LRP1B: variants seen among roughly 807,000 people sequenced by gnomAD.
LRP1B encodes low-density lipoprotein receptor-related protein 1B.
Under a neutral mutation model 556.6 loss-of-function variants are expected in LRP1B, and 217 were observed. The observed-to-expected ratio is 0.39, with a 90% confidence interval of 0.35 to 0.44. The LOEUF (loss-of-function observed/expected upper bound fraction) is 0.44. Ranked by LOEUF, LRP1B falls within the 20% of genes least tolerant of loss-of-function variation. The pLI is 1.00. For missense variants in LRP1B, 5,053 were observed against 5,620.8 expected (o/e 0.90, Z 3.23); for synonymous variants, 2,047 against 1,865.8 (o/e 1.10, Z -2.50).
intron 2 of LRP1B, among the ~76,000 whole-genome samples, chr2:141,710,191 T>C (rs1431782472): frequency 6.6e-6 from 1 of 152,104 alleles, no homozygotes; most frequent in Non-Finnish European, 1.5e-5. Context: ...AAAATTTAAA[T>C]TGAATACTAT....
At chr2:141,936,725 T>G (rs1574508056) in intron 1 of LRP1B, among the ~76,000 whole-genome samples, 1 of 152,214 alleles carries the variant, frequency 6.6e-6, no homozygotes, top group African/African-American at 2.4e-5. Context: ...ACTCTTAAGG[T>G]GCAGTTTCAT....
chr2:140,873,264 G>A (rs1413922234), intron 25 of LRP1B, among the ~76,000 whole-genome samples: 2 of 152,072 alleles, frequency 1.3e-5, no homozygotes, highest in African/African-American at 4.8e-5. Context: ...AAGACGGAAT[G>A]ATCTTTGCTT....
chr2:140,947,554 G>T (rs1695581652), intron 20 of LRP1B, among the ~76,000 whole-genome samples: 1 of 152,160 alleles, frequency 6.6e-6, no homozygotes, highest in Non-Finnish European at 1.5e-5. Context: ...TTCGGCAATG[G>T]CTCACAAATT....
chr2:140,543,695 A>C, intron 43 of LRP1B, among the ~76,000 whole-genome samples: 1 of 151,962 alleles, frequency 6.6e-6, no homozygotes. Flanking sequence ...TAAATAAATA[A>C]AATAAAAAGA....
chr2:140,839,975 T>TA lies in LRP1B; in HGVS notation c.5209+15dup, dbSNP rs753171562. On this transcript the variant is annotated intron_variant, in intron 31 of 90. Transcript: ENST00000389484. ...GTCACATTGAAAACTTGGTGACTAT[T>TA]AAAAAAAATACTTACCAACTGGCTC... 3.0e-5 allele frequency: 46 copies of TA among 1,551,142 alleles called. No individual in the cohort carries two copies. Among genetic ancestry groups the TA allele is most frequent in the African/African-American group, 1.2e-4 (9 of 73,390 alleles).
chr2:140,723,876 C>CT (rs1303963690), intron 35 of LRP1B, among the ~76,000 whole-genome samples: 1 of 152,128 alleles, frequency 6.6e-6, no homozygotes, highest in African/African-American at 2.4e-5. Flanking sequence ...TCATTACAAA[C>CT]TTTTTTTACC....
intron 1 of LRP1B, among the ~76,000 whole-genome samples, chr2:141,967,466 T>G (rs1208916732): frequency 1.3e-5 from 2 of 151,918 alleles, no homozygotes; most frequent in African/African-American, 4.8e-5. Flanking sequence ...CAGCAATTTT[T>G]AACAGAAAAT....
chr2:141,304,999 T>C (rs1686533748), intron 3 of LRP1B, among the ~76,000 whole-genome samples: 1 of 152,210 alleles, frequency 6.6e-6, no homozygotes, highest in African/African-American at 2.4e-5. Flanking sequence ...TTAATTACTA[T>C]ATTTTGAAGA....
chr2:140,802,918 A>G (rs1272416881), intron 32 of LRP1B, among the ~76,000 whole-genome samples: 7 of 152,170 alleles, frequency 4.6e-5, no homozygotes, highest in African/African-American at 1.7e-4. Context: ...AGTAGATTCA[A>G]TCTAGTCAAG....
At position 140,700,372 on chromosome 2, in the gene LRP1B, G is replaced by T. The variant is rs2105420334; in HGVS notation, c.6677C>A (p.Ala2226Asp). 2 of 1,613,358 alleles carry T rather than the reference G, an allele frequency of 1.2e-6. No individual in the cohort carries two copies. The highest frequency in any genetic ancestry group is 1.7e-6 in the Non-Finnish European group (2 of 1,179,608). The change falls in exon 41 of 91, where the codon GCC becomes GAC. Residue 2226 changes from alanine (A) to aspartate (D), a missense_variant. Ala to Asp is a moderately radical substitution (Grantham distance 126). Coordinates refer to ENST00000389484, the MANE Select transcript of LRP1B (RefSeq NM_018557.3). ...TCTTTGATTATAGTCAAAAGCCAAG[G>T]CTATGACATTCTTGAAATAACGTGG... ...ENPRYFKNVIALAFDYNQRRK... is the reference protein window; with the variant it reads ...ENPRYFKNVIDLAFDYNQRRK...
At chr2:141,846,825 C>T (rs1237811256) in intron 1 of LRP1B, among the ~76,000 whole-genome samples, 1 of 151,154 alleles carries the variant, frequency 6.6e-6, no homozygotes, top group East Asian at 1.9e-4. Flanking sequence ...AATCTAAAAC[C>T]AGCATTTTTC....
chr2:141,621,482 A>C (rs188415485), intron 2 of LRP1B, among the ~76,000 whole-genome samples: 1 of 152,336 alleles, frequency 6.6e-6, no homozygotes, highest in East Asian at 1.9e-4. Flanking sequence ...TGATTCATTA[A>C]GTGAATTTTC....
chr2:141,567,479 C>T (rs1019059592), intron 2 of LRP1B, among the ~76,000 whole-genome samples: 1 of 151,996 alleles, frequency 6.6e-6, no homozygotes, highest in African/African-American at 2.4e-5. Context: ...ATTCTTTTTA[C>T]GTAGGTTTCC....
intron 6 of LRP1B, among the ~76,000 whole-genome samples, chr2:141,219,888 C>G (rs559534345): frequency 6.6e-6 from 1 of 151,814 alleles, no homozygotes; most frequent in South Asian, 2.1e-4. Context: ...CAGAAAGCAA[C>G]AACAACATCG....
chr2:141,891,503 C>T (rs371385142), intron 1 of LRP1B, among the ~76,000 whole-genome samples: 73 of 152,172 alleles, frequency 4.8e-4, no homozygotes, highest in African/African-American at 1.5e-3. Flanking sequence ...TGCATACCCA[C>T]GAATTAATAA....
At chr2:140,745,325 G>A (rs535407504) in intron 35 of LRP1B, among the ~76,000 whole-genome samples, 4 of 152,128 alleles carry the variant, frequency 2.6e-5, no homozygotes, top group South Asian at 2.1e-4. Flanking sequence ...ATATAAGTCC[G>A]ATTGGTCAAT....
chr2:140,999,296 G>A (rs1697342994), intron 15 of LRP1B, among the ~76,000 whole-genome samples: 2 of 151,940 alleles, frequency 1.3e-5, no homozygotes, highest in South Asian at 2.1e-4. Context: ...TCTCAAATAA[G>A]CACTTATTTG....
At chr2:140,370,661 T>C (rs765451362) in intron 71 of LRP1B, 49 bp downstream of exon 71, 1 of 1,604,758 alleles carries the variant, frequency 6.2e-7, no homozygotes, top group South Asian at 1.1e-5. Flanking sequence ...CACAGAACCT[T>C]AACTTTCATT....
chr2:140,510,090 C>T (rs1228148021), intron 51 of LRP1B, 34 bp from the exon 52 acceptor site: 1 of 1,605,578 alleles, frequency 6.2e-7, no homozygotes, highest in African/African-American at 1.3e-5. Context: ...ATTAAGATTA[C>T]TCTGTGTCCA....
Sources: allele counts gnomAD v4.1 joint callset (sites outside exome capture counted in the v4.1 genomes callset), GRCh38; gene constraint gnomAD v4.1.1; transcripts MANE v1.5; gene names NCBI Gene and HGNC (gene_info 2026-07-23, HGNC 2026-07-21).